GRM5: variants seen among roughly 807,000 people sequenced by gnomAD.
The protein encoded by GRM5 is glutamate metabotropic receptor 5.
A neutral mutation model predicts 83.1 loss-of-function variants in GRM5; 19 were observed. The ratio of observed to expected loss-of-function variants is 0.23; its 90% CI spans 0.16 to 0.34. GRM5 has a LOEUF of 0.34. Ranked by LOEUF, GRM5 falls within the 10% of genes least tolerant of loss-of-function variation. The pLI is 1.00. For missense variants in GRM5, 1,160 were observed against 1,588.3 expected, an observed-to-expected ratio of 0.73 and a Z score of 4.58; for synonymous variants, 675 against 633.6, an observed-to-expected ratio of 1.07 and a Z score of -0.98.
intron 3 of GRM5, among the ~76,000 whole-genome samples, chr11:88,835,211 G>A (rs492312): frequency 0.49 from 74,218 of 152,012 alleles, 21,298 homozygotes; most frequent in East Asian, 0.76. Context: ...AATGTCTTAC[G>A]TGATAAACCT....
intron 3 of GRM5, among the ~76,000 whole-genome samples, chr11:88,751,072 CAAA>C (rs774458890): frequency 0.043 from 2,025 of 47,176 alleles, 31 homozygotes; most frequent in Admixed American, 0.14. Flanking sequence ...TAGCAGAAGC[CAAA>C]AAAAAAAAAA....
At chr11:88,982,858 G>GA (rs2135026631) in intron 2 of GRM5, among the ~76,000 whole-genome samples, 1 of 152,264 alleles carries the variant, frequency 6.6e-6, no homozygotes, top group South Asian at 2.1e-4. Context: ...CCTGAGGTCA[G>GA]AAGTTTGAGA....
chr11:88,723,339 A>G (rs1289828413), intron 3 of GRM5, among the ~76,000 whole-genome samples: 2 of 152,098 alleles, frequency 1.3e-5, no homozygotes, highest in Non-Finnish European at 2.9e-5. Flanking sequence ...ATGAATACAT[A>G]TTTATGTGTA....
chr11:88,978,747 T>C (rs1436433265), intron 2 of GRM5, among the ~76,000 whole-genome samples: 7 of 152,084 alleles, frequency 4.6e-5, no homozygotes, highest in Non-Finnish European at 8.8e-5. Flanking sequence ...CCAGTAACCA[T>C]AGAAAAAGCT....
chr11:88,943,137 C>T (rs1188362006), intron 2 of GRM5, among the ~76,000 whole-genome samples: 7 of 152,046 alleles, frequency 4.6e-5, no homozygotes, highest in Non-Finnish European at 2.9e-5. Context: ...ATATAGGTGT[C>T]GTTAGGAAAG....
At chr11:88,811,732 G>T (rs1230061596) in intron 3 of GRM5, among the ~76,000 whole-genome samples, 1 of 152,058 alleles carries the variant, frequency 6.6e-6, no homozygotes, top group African/African-American at 2.4e-5. Flanking sequence ...TATTAAGTGA[G>T]ATATCTTACA....
At chr11:88,729,454 A>G (rs1336413791) in intron 3 of GRM5, among the ~76,000 whole-genome samples, 1 of 152,216 alleles carries the variant, frequency 6.6e-6, no homozygotes, top group African/African-American at 2.4e-5. Context: ...CATATTTCCC[A>G]AAGTAATTTA....
chr11:88,517,007 TTAAGA>T (rs1485042015), intron 9 of GRM5, among the ~76,000 whole-genome samples: 3 of 152,106 alleles, frequency 2.0e-5, no homozygotes, highest in Admixed American at 6.6e-5. Flanking sequence ...TATTTCCAGA[TTAAGA>T]TATTTCCTTA....
Position 88,794,959 on chromosome 11 carries a change from C to T in GRM5, c.911+54947G>A, listed in dbSNP as rs1201598216. Among the ~76,000 whole-genome samples, 5 of 152,232 alleles carry T rather than the reference C, an allele frequency of 3.3e-5. No homozygotes were observed. The East Asian group carries it at 9.6e-4, about 29-fold the overall frequency. ...CTGATATGGTGTGATTACCATCCTT[C>T]ACGATCTATTACATAAGAAAGAATT... On this transcript the variant is annotated intron_variant, in intron 3 of 9. Transcript: ENST00000305447.
chr11:88,598,584 C>T (rs186979557), intron 5 of GRM5, among the ~76,000 whole-genome samples: 3 of 152,130 alleles, frequency 2.0e-5, no homozygotes, highest in Admixed American at 2.0e-4. Context: ...GGATACTTTC[C>T]TTCCCTCTCG....
At chr11:89,052,407 T>A (rs1373775522) in intron 1 of GRM5, among the ~76,000 whole-genome samples, 2 of 152,078 alleles carry the variant, frequency 1.3e-5, no homozygotes, top group Non-Finnish European at 2.9e-5. Flanking sequence ...TGAGAGTAAA[T>A]GACGTCATAG....
At chr11:89,013,907 G>A (rs1940776923) in intron 2 of GRM5, among the ~76,000 whole-genome samples, 1 of 152,152 alleles carries the variant, frequency 6.6e-6, no homozygotes. Flanking sequence ...TAGAGATTAG[G>A]TAACACTTAT....
chr11:88,623,377 G>A (rs763905554), intron 4 of GRM5, among the ~76,000 whole-genome samples: 39 of 152,142 alleles, frequency 2.6e-4, no homozygotes, highest in African/African-American at 5.5e-4. Flanking sequence ...TGACCCGCCC[G>A]CCTCAGCCTC....
intron 1 of GRM5, among the ~76,000 whole-genome samples, chr11:89,059,364 GTTTAT>G (rs1565355833): frequency 6.6e-6 from 1 of 152,104 alleles, no homozygotes. Flanking sequence ...GCATTTGCAT[GTTTAT>G]TTTAAAATAT....
At chr11:88,898,249 C>A (rs1391136521) in intron 2 of GRM5, among the ~76,000 whole-genome samples, 1 of 151,648 alleles carries the variant, frequency 6.6e-6, no homozygotes, top group African/African-American at 2.4e-5. Flanking sequence ...GAATAAGGGC[C>A]CACACTAGTA....
In GRM5 at chr11:88,600,798, T is replaced by C. The variant is rs181736978; in HGVS notation, c.1395-3446A>G. Among the ~76,000 whole-genome samples the C allele has an allele frequency of 1.1e-3, 175 of 152,316 alleles. 1 individual carries two copies. The Middle Eastern group carries it at 0.014, about 12-fold the overall frequency. ...TGGAGAAGACTGAAGAGTATTACTT[T>C]TATGTGGGTCCTAAGGCTCTTTCAA... On this transcript the variant is annotated intron_variant, in intron 5 of 9. Coordinates refer to ENST00000305447, the MANE Select transcript of GRM5 (RefSeq NM_001143831.3).
intron 2 of GRM5, among the ~76,000 whole-genome samples, chr11:89,042,940 T>C (rs963442166): frequency 6.0e-5 from 9 of 151,024 alleles, no homozygotes; most frequent in African/African-American, 2.0e-4. Flanking sequence ...AGAACATCAC[T>C]GATTTGTTTT....
intron 3 of GRM5, among the ~76,000 whole-genome samples, chr11:88,839,423 T>C (rs561502856): frequency 2.0e-5 from 3 of 152,270 alleles, no homozygotes; most frequent in South Asian, 2.1e-4. Context: ...TTAGGAAATA[T>C]TGACATAAGA....
At chr11:88,907,109 G>T (rs577581930) in intron 2 of GRM5, among the ~76,000 whole-genome samples, 5 of 151,342 alleles carry the variant, frequency 3.3e-5, no homozygotes, top group Non-Finnish European at 7.4e-5. Context: ...TGACACCTTG[G>T]GTAGATTATT....
Sources: gnomAD v4.1 joint callset for allele counts (sites outside exome capture counted in the v4.1 genomes callset) on GRCh38, gnomAD v4.1.1 for gene constraint, MANE v1.5 for transcripts, NCBI Gene and HGNC (gene_info 2026-07-23, HGNC 2026-07-21) for gene names.